SLC35D1: variants seen among roughly 807,000 people sequenced by gnomAD.
SLC35D1 encodes the protein nucleotide sugar transporter SLC35D1.
In SLC35D1, 31 loss-of-function variants were observed where a neutral mutation model predicts 46.7. The ratio of observed to expected loss-of-function variants is 0.66; its 90% CI spans 0.50 to 0.90. SLC35D1 has a LOEUF of 0.90. Among genes scored for constraint, SLC35D1 ranks in the 40% least tolerant of loss-of-function variants. The pLI, the probability that SLC35D1 is intolerant of heterozygous loss-of-function variation, is 0.00. For missense variants in SLC35D1, 397 were observed against 426.2 expected, an observed-to-expected ratio of 0.93 and a Z score of 0.60; for synonymous variants, 195 against 164.6, an observed-to-expected ratio of 1.18 and a Z score of -1.41.
chr1:67,050,111 A>G (rs1266944980), intron 5 of SLC35D1, among the ~76,000 whole-genome samples: 3 of 152,238 alleles, frequency 2.0e-5, no homozygotes, highest in African/African-American at 7.2e-5. Context: ...TTTCTTTAAC[A>G]GAAAAATGTC....
At chr1:67,044,606 T>C (rs1447186436) in intron 7 of SLC35D1, among the ~76,000 whole-genome samples, 2 of 152,194 alleles carry the variant, frequency 1.3e-5, no homozygotes, top group Admixed American at 1.3e-4. Context: ...CACTCGATGA[T>C]AGTATTAAGG....
intron 8 of SLC35D1, among the ~76,000 whole-genome samples, chr1:67,026,064 G>A (rs571335828): frequency 6.6e-6 from 1 of 152,260 alleles, no homozygotes; most frequent in Non-Finnish European, 1.5e-5. Context: ...CACTATATGA[G>A]TACAGACATC....
chr1:67,043,468 G>A (rs1031409391), intron 7 of SLC35D1, among the ~76,000 whole-genome samples: 5 of 152,030 alleles, frequency 3.3e-5, no homozygotes, highest in African/African-American at 1.2e-4. Context: ...TTGAACCCAG[G>A]AATCCAAGGG....
intron 10 of SLC35D1, among the ~76,000 whole-genome samples, chr1:67,014,345 T>C (rs1404969722): frequency 6.6e-6 from 1 of 152,220 alleles, no homozygotes; most frequent in Non-Finnish European, 1.5e-5. Context: ...TTGGGCCATG[T>C]GAGGCAGATA....
the SLC35D1 span, chr1:66,988,550 T>C: frequency 6.6e-6 from 1 of 151,944 alleles, no homozygotes; most frequent in Non-Finnish European, 1.5e-5. Context: ...TATGATTATT[T>C]TCAATTTGTC....
At chr1:66,980,059 C>T in the SLC35D1 span, among the ~76,000 whole-genome samples, 14 of 152,180 alleles carry the variant, frequency 9.2e-5, no homozygotes, top group Admixed American at 6.6e-4. Flanking sequence ...CCACCACACC[C>T]GGCCTTGCTT....
chr1:66,990,280 T>G, the SLC35D1 span, among the ~76,000 whole-genome samples: 264 of 152,182 alleles, frequency 1.7e-3, 9 homozygotes, highest in Admixed American at 0.017. Flanking sequence ...ATCTGCAATT[T>G]TTCTTTTTTC....
chr1:67,026,592 T>C (rs928662624), intron 8 of SLC35D1, among the ~76,000 whole-genome samples: 19 of 152,296 alleles, frequency 1.2e-4, no homozygotes, highest in Admixed American at 5.9e-4. Context: ...AAATTTTATT[T>C]TGAGGAAAGT....
chr1:66,975,515 G>A, the SLC35D1 span, among the ~76,000 whole-genome samples: 3 of 149,866 alleles, frequency 2.0e-5, no homozygotes, highest in African/African-American at 7.4e-5. Context: ...AACAGAGCAT[G>A]ACACTATCTC....
intron 3 of SLC35D1, 95 bp from the exon 4 acceptor site, chr1:67,052,174 A>T (rs990126483): frequency 2.2e-6 from 2 of 913,250 alleles, no homozygotes; most frequent in East Asian, 2.4e-5. Flanking sequence ...TATGATCAAA[A>T]TTTTTTCCAC....
intron 5 of SLC35D1, 130 bp downstream of exon 5, chr1:67,050,303 C>A: frequency 1.4e-6 from 1 of 690,698 alleles, no homozygotes. Flanking sequence ...ATTCCAGCAG[C>A]CAAGAGAGAG....
At chr1:66,982,613 C>T in the SLC35D1 span, among the ~76,000 whole-genome samples, 1 of 152,146 alleles carries the variant, frequency 6.6e-6, no homozygotes, top group Non-Finnish European at 1.5e-5. Context: ...AAGTAATAAG[C>T]GCCACCCCCA....
intron 10 of SLC35D1, among the ~76,000 whole-genome samples, chr1:67,015,080 T>A (rs1332553443): frequency 6.8e-6 from 1 of 147,542 alleles, no homozygotes; most frequent in Non-Finnish European, 1.5e-5. Context: ...AAATAAACAA[T>A]TCCATACGCA....
the SLC35D1 span, chr1:66,981,846 C>G: frequency 1.1e-5 from 18 of 1,613,890 alleles, no homozygotes; most frequent in South Asian, 4.4e-5. Context: ...ATCCCCTCCC[C>G]CAACTGCATC....
the SLC35D1 span, chr1:66,987,771 A>G: frequency 6.6e-6 from 1 of 152,172 alleles, no homozygotes; most frequent in South Asian, 2.1e-4. Context: ...AAATATATAT[A>G]TATACACAGT....
In SLC35D1 at chr1:67,000,522, T is replaced by C. The variant is rs117769761; in HGVS notation, c.*3818A>G. The C allele has an allele frequency of 6.6e-6, 1 of 152,424 alleles. No homozygotes were observed. The highest frequency in any genetic ancestry group is 1.9e-4 in the East Asian group (1 of 5,322). The allele number at this position is 152,424 out of a possible 1,614,324, so 9.4% of individuals were successfully genotyped here. On this transcript the variant is annotated 3_prime_UTR_variant, in exon 12 of 12. Transcript: ENST00000235345. ...CTAGAGGCAATGAGACACAGAGTCC[T>C]GTTTTTCAGGACAGACCGTATTGCC...
chr1:66,979,858 G>T, the SLC35D1 span, among the ~76,000 whole-genome samples: 2 of 151,488 alleles, frequency 1.3e-5, no homozygotes, highest in Non-Finnish European at 2.9e-5. Context: ...TCCACCGCCC[G>T]GGTTGAAGTG....
chr1:66,987,991 C>T, the SLC35D1 span: 1 of 152,248 alleles, frequency 6.6e-6, no homozygotes, highest in Non-Finnish European at 1.5e-5. Flanking sequence ...GAGTTCATAT[C>T]ACATTATGTT....
downstream of SLC35D1, among the ~76,000 whole-genome samples, chr1:66,997,537 T>TAA (rs1667253275): frequency 1.5e-5 from 2 of 133,322 alleles, no homozygotes; most frequent in African/African-American, 5.4e-5. Flanking sequence ...TATATATATA[T>TAA]AACCCCTTTA....
Sources: gnomAD v4.1 joint callset for allele counts (sites outside exome capture counted in the v4.1 genomes callset) on GRCh38, gnomAD v4.1.1 for gene constraint, MANE v1.5 for transcripts, NCBI Gene and HGNC (gene_info 2026-07-23, HGNC 2026-07-21) for gene names.